The following SEC14L3 variants were observed in gnomAD, a reference collection of about 807,000 sequenced individuals.
SEC14L3 encodes SEC14 like lipid binding 3.
In SEC14L3, 56 loss-of-function variants were observed where a neutral mutation model predicts 57.4. The observed-to-expected ratio is 0.97, with a 90% CI of 0.79 to 1.22. The LOEUF (loss-of-function observed/expected upper bound fraction) is 1.22. SEC14L3 is among the 50% of genes most tolerant of loss of function. SEC14L3 has a pLI of 0.00. For missense variants in SEC14L3, 485 were observed against 511.7 expected, an observed-to-expected ratio of 0.95 and a Z score of 0.50; for synonymous variants, 173 against 194.4, an observed-to-expected ratio of 0.89 and a Z score of 0.92.
chr22:30,461,707 G>T lies in SEC14L3; in HGVS notation c.772-13C>A. 6.2e-7 allele frequency: 1 copy of T among 1,609,066 alleles called. No homozygotes were observed. The highest frequency in any genetic ancestry group is 1.7e-5 in the Admixed American group (1 of 59,294). On this transcript the variant is annotated splice_polypyrimidine_tract_variant and intron_variant, in intron 9 of 11. Transcript: ENST00000215812. ...CGCCATAGTTAATCTGCGGACATGG[G>T]ATGAGATGGGCTTGCTTCCGTCTCC... is the stretch of plus-strand genomic sequence containing the variant.
chr22:30,468,019 G>A (rs1426656913), intron 5 of SEC14L3, among the ~76,000 whole-genome samples: 1 of 152,096 alleles, frequency 6.6e-6, no homozygotes, highest in African/African-American at 2.4e-5. Flanking sequence ...GGTGGCTCAC[G>A]CCTGTAATCC....
In SEC14L3 at chr22:30,462,102, G is replaced by T. The variant is rs760375364; in HGVS notation, c.755C>A (p.Pro252His). 4 of 1,614,086 alleles carry T rather than the reference G, an allele frequency of 2.5e-6. No homozygotes were observed. Among genetic ancestry groups the T allele is most frequent in the Non-Finnish European group, 3.4e-6 (4 of 1,179,996 alleles). The change falls in exon 9 of 12, where the codon CCC becomes CAC. Residue 252 changes from proline (P) to histidine (H), a missense_variant. Physicochemically the swap from Pro to His is moderately conservative, Grantham distance 77 (BLOSUM62 -2). Coordinates refer to ENST00000215812, the MANE Select transcript of SEC14L3 (RefSeq NM_174975.5). Reference protein sequence around the residue: ...GGTLTDPDGNPKCLTKINYGG... With the variant: ...GGTLTDPDGNHKCLTKINYGG... ...TCTTTGTACCTTGGTTAAACATTTGGGGTTCCCATCTGGGTCAGTCAGGGT... is the reference window on the plus strand; with the variant it reads ...TCTTTGTACCTTGGTTAAACATTTGTGGTTCCCATCTGGGTCAGTCAGGGT...
chr22:30,469,857 C>T (rs9620998), intron 4 of SEC14L3, among the ~76,000 whole-genome samples, 162 bp downstream of exon 4: 104,981 of 152,128 alleles, frequency 0.69, 37,378 homozygotes, highest in African/African-American at 0.86. Context: ...AGGCCTGGAC[C>T]TTGCAAGCCC....
chr22:30,457,942 T>A (rs1009297209), downstream of SEC14L3, among the ~76,000 whole-genome samples: 1 of 152,198 alleles, frequency 6.6e-6, no homozygotes, highest in Admixed American at 6.5e-5. Flanking sequence ...GGAGCTCAGT[T>A]TCCCATCTAT....
chr22:30,448,923 C>A, exon 13 of SEC14L3: 1 of 629,686 alleles, frequency 1.6e-6, no homozygotes, highest in Non-Finnish European at 2.7e-6. Context: ...TCCAAAACTT[C>A]TTTCCCTTCC....
At chr22:30,467,416 T>A (rs1008447272) in intron 5 of SEC14L3, among the ~76,000 whole-genome samples, 1 of 152,212 alleles carries the variant, frequency 6.6e-6, no homozygotes, top group Non-Finnish European at 1.5e-5. Flanking sequence ...TATAAACTGA[T>A]AAATATAAAC....
intron 7 of SEC14L3, among the ~76,000 whole-genome samples, chr22:30,465,227 C>T (rs1935381400): frequency 6.6e-6 from 1 of 152,158 alleles, no homozygotes; most frequent in Non-Finnish European, 1.5e-5. Context: ...AACTATGCAA[C>T]AAACCAACCA....
chr22:30,454,055 C>T (rs1032385938), intron 12 of SEC14L3, among the ~76,000 whole-genome samples: 3 of 152,138 alleles, frequency 2.0e-5, no homozygotes, highest in Non-Finnish European at 2.9e-5. Context: ...TCCCCAGGCA[C>T]TCCTGGCCTT....
In SEC14L3 at chr22:30,460,056, T is replaced by C. The variant is rs1569227446; in HGVS notation, c.1168A>G (p.Met390Val). ...GTGAGCTCCTTATCATATTTCTGCA[T>C]GCCCTCGTCAGGGAGCAGGACCTCC... is the stretch of plus-strand genomic sequence containing the variant. ...TVEVLLPDEG[M>V]QKYDKELTPV The change falls in exon 12 of 12, where the codon ATG becomes GTG. Residue 390 changes from methionine (M) to valine (V), a missense_variant. Physicochemically the swap from Met to Val is conservative, Grantham distance 21. Transcript: ENST00000215812. The C allele has an allele frequency of 1.2e-6, 2 of 1,614,206 alleles. No individual in the cohort carries two copies. Among genetic ancestry groups the C allele is most frequent in the Non-Finnish European group, 1.7e-6 (2 of 1,180,036 alleles).
At chr22:30,471,859 C>T (rs760169449) in intron 1 of SEC14L3, 46 bp downstream of exon 1, 4 of 1,612,778 alleles carry the variant, frequency 2.5e-6, no homozygotes, top group Non-Finnish European at 3.4e-6. Context: ...CACCCCCCAG[C>T]CCCTTTCCCC....
intron 12 of SEC14L3, among the ~76,000 whole-genome samples, chr22:30,453,655 C>T (rs371317499): frequency 6.6e-5 from 10 of 152,168 alleles, no homozygotes; most frequent in Admixed American, 2.6e-4. Flanking sequence ...TCAAATGATC[C>T]ACCCACCTCG....
At chr22:30,455,095 ATAATATATTTAATATTTAATATT>A (rs1268075733), downstream of SEC14L3, among the ~76,000 whole-genome samples, 21,538 of 48,480 alleles carry the variant, frequency 0.44, 4,238 homozygotes, top group South Asian at 0.61. Context: ...TATTTAATAT[ATAATATATTTAATATTTAATATT>A]TAATATATAT....
chr22:30,465,896 T>C (rs777677377), intron 7 of SEC14L3, among the ~76,000 whole-genome samples: 2 of 152,208 alleles, frequency 1.3e-5, no homozygotes, highest in African/African-American at 2.4e-5. Context: ...GCATCCACCA[T>C]GGACCCAGGC....
chr22:30,471,429 A>G (rs1185660611), intron 1 of SEC14L3, among the ~76,000 whole-genome samples: 1 of 152,184 alleles, frequency 6.6e-6, no homozygotes, highest in African/African-American at 2.4e-5. Flanking sequence ...AAACATGGTT[A>G]ATAATTATAT....
At chr22:30,459,011 AAAAC>A (rs993777245), downstream of SEC14L3, among the ~76,000 whole-genome samples, 18 of 152,284 alleles carry the variant, frequency 1.2e-4, no homozygotes, top group African/African-American at 3.4e-4. Context: ...CCTGTCTCAA[AAAAC>A]AAACAAACAA....
Position 30,461,528 on chromosome 22 carries a change from C to G in SEC14L3, c.911+27G>C, listed in dbSNP as rs772213826. 2.5e-6 allele frequency: 4 copies of G among 1,613,902 alleles called. No homozygotes were observed. In the South Asian group the frequency reaches 4.4e-5, roughly 18 times the overall value. ...CAGGTTGCTGCTCAGCCTGATGGGT[C>G]TCTGAGGGGTTAGGGCCTGCCCCTA... On this transcript the variant is annotated intron_variant, in intron 10 of 11. Transcript: ENST00000215812.
At chr22:30,465,016 C>T in intron 7 of SEC14L3, 113 bp from the exon 8 acceptor site, 1 of 1,508,336 alleles carries the variant, frequency 6.6e-7, no homozygotes, top group Non-Finnish European at 9.0e-7. Context: ...TGGTCAATTC[C>T]AGTGTCTGTC....
At chr22:30,470,704 G>A in intron 1 of SEC14L3, 122 bp from the exon 2 acceptor site, 5 of 1,527,530 alleles carry the variant, frequency 3.3e-6, no homozygotes, top group Middle Eastern at 1.7e-4. Flanking sequence ...ATTGATGAAA[G>A]GATGGGTTAA....
intron 12 of SEC14L3, among the ~76,000 whole-genome samples, chr22:30,452,183 C>G (rs533446828): frequency 6.6e-6 from 1 of 151,002 alleles, no homozygotes; most frequent in African/African-American, 2.4e-5. Context: ...TTTGCACATG[C>G]GATCCATGAG....
Sources: gnomAD v4.1 joint callset for allele counts (sites outside exome capture counted in the v4.1 genomes callset) on GRCh38, gnomAD v4.1.1 for gene constraint, MANE v1.5 for transcripts, NCBI Gene and HGNC (gene_info 2026-07-23, HGNC 2026-07-21) for gene names.